The following E2F3 variants were observed in gnomAD, a reference collection of about 807,000 sequenced individuals.
E2F3 encodes the protein E2F transcription factor 3, also known as transcription factor E2F3.
Under a neutral mutation model 44.4 loss-of-function variants are expected in E2F3, and 11 were observed. The observed-to-expected ratio is 0.25, with a 90% CI of 0.16 to 0.41. E2F3 has a LOEUF of 0.41. Among genes scored for constraint, E2F3 ranks in the 10% least tolerant of loss-of-function variants. The pLI, the probability that E2F3 is intolerant of heterozygous loss-of-function variation, is 1.00. For missense variants in E2F3, 487 were observed against 583.6 expected (o/e 0.83, Z 1.70); for synonymous variants, 249 against 253.0 (o/e 0.98, Z 0.15).
In E2F3 at chr6:20,402,664, G is replaced by A. The variant is rs1759346839; in HGVS notation, c.393+39G>A. ...TCCCCACCGTCCCCAGCCCCGGCGG[G>A]AGGTGGGCTCGCACCGCGCGGGGTC... On this transcript the variant is annotated intron_variant, in intron 1 of 6. Transcript: ENST00000346618. The surrounding 1 kb of genome is among the most constrained non-coding windows in gnomAD (Gnocchi z 5.6). The A allele has an allele frequency of 1.5e-6, 2 of 1,308,046 alleles. No individual in the cohort carries two copies. Among genetic ancestry groups the A allele is most frequent in the South Asian group, 4.5e-5 (2 of 44,872 alleles). The allele number at this position is 1,308,046 out of a possible 1,614,324, so 81.0% of individuals were successfully genotyped here.
chr6:20,411,273 G>A (rs1345988469), intron 1 of E2F3, among the ~76,000 whole-genome samples: 1 of 152,168 alleles, frequency 6.6e-6, no homozygotes, highest in Non-Finnish European at 1.5e-5. Flanking sequence ...AAGAATCAGG[G>A]TGTCTGAGCT....
intron 1 of E2F3, among the ~76,000 whole-genome samples, chr6:20,408,978 A>G (rs1759579091): frequency 6.6e-6 from 1 of 152,200 alleles, no homozygotes; most frequent in African/African-American, 2.4e-5. Context: ...TCATCTGCCC[A>G]ATCCCCTTCA....
chr6:20,466,083 C>T (rs1761694378), intron 1 of E2F3, among the ~76,000 whole-genome samples: 1 of 136,530 alleles, frequency 7.3e-6, no homozygotes, highest in Admixed American at 8.0e-5. Context: ...GAAGTGCTCC[C>T]TGTTCACATC....
intron 1 of E2F3, among the ~76,000 whole-genome samples, chr6:20,424,622 A>G (rs887900349): frequency 6.6e-6 from 1 of 151,620 alleles, no homozygotes; most frequent in African/African-American, 2.4e-5. Context: ...TACAGTTTTT[A>G]TGTTCATGCT....
intron 1 of E2F3, among the ~76,000 whole-genome samples, chr6:20,409,303 T>C (rs898897110): frequency 6.6e-6 from 1 of 152,232 alleles, no homozygotes; most frequent in Non-Finnish European, 1.5e-5. Context: ...CTACTTTGGA[T>C]GTTAAATGAA....
chr6:20,480,861 G>T (rs545613613), intron 2 of E2F3, among the ~76,000 whole-genome samples: 69 of 152,246 alleles, frequency 4.5e-4, no homozygotes, highest in African/African-American at 1.6e-3. Context: ...GTCCCCTGAG[G>T]CCACAGCACT....
chr6:20,449,364 C>T (rs543527865), intron 1 of E2F3, among the ~76,000 whole-genome samples: 11 of 152,146 alleles, frequency 7.2e-5, no homozygotes, highest in African/African-American at 2.6e-4. Context: ...TTTTTAAATA[C>T]TTTTATTTTC....
chr6:20,426,749 G>C (rs185780435), intron 1 of E2F3, among the ~76,000 whole-genome samples: 3 of 152,296 alleles, frequency 2.0e-5, no homozygotes, highest in East Asian at 1.9e-4. Flanking sequence ...TGCCTGCTCT[G>C]TTAGCAGTTT....
At position 20,462,602 on chromosome 6, in the gene E2F3, T is replaced by C. The variant is rs374603735; in HGVS notation, c.394-17244T>C. Among the ~76,000 whole-genome samples the C allele has an allele frequency of 3.7e-4, 56 of 151,876 alleles. No homozygotes were observed. The South Asian group carries it at 0.011, about 30-fold the overall frequency. ...CCTCCTAAGTAACTGGGATTACAGGTGTCCGCCCTCTTACCTTGCAAATTT... is the reference window on the plus strand; with the variant it reads ...CCTCCTAAGTAACTGGGATTACAGGCGTCCGCCCTCTTACCTTGCAAATTT... On this transcript the variant is annotated intron_variant, in intron 1 of 6. Transcript: ENST00000346618.
intron 1 of E2F3, among the ~76,000 whole-genome samples, chr6:20,418,886 A>AT (rs1406314573): frequency 1.3e-5 from 2 of 150,398 alleles, no homozygotes; most frequent in Non-Finnish European, 3.0e-5. Flanking sequence ...CCTGCTTATT[A>AT]TTTTTTTAAA....
At chr6:20,484,936 G>A (rs1383643014) in intron 4 of E2F3, among the ~76,000 whole-genome samples, 2 of 146,824 alleles carry the variant, frequency 1.4e-5, no homozygotes, top group East Asian at 2.0e-4. Context: ...CTTAGTGACA[G>A]AGTGGGAGTC....
chr6:20,486,295 A>T (rs780725103), intron 4 of E2F3, among the ~76,000 whole-genome samples: 1 of 152,042 alleles, frequency 6.6e-6, no homozygotes, highest in African/African-American at 2.4e-5. Context: ...TTTTTTGAGA[A>T]GGAGTCTCGC....
At chr6:20,455,060 A>C (rs1761265518) in intron 1 of E2F3, among the ~76,000 whole-genome samples, 1 of 152,184 alleles carries the variant, frequency 6.6e-6, no homozygotes, top group Non-Finnish European at 1.5e-5. Flanking sequence ...CACTTGTTTT[A>C]AAGTAGTTTT....
At chr6:20,484,185 G>T (rs1041692680) in intron 4 of E2F3, among the ~76,000 whole-genome samples, 30 of 152,216 alleles carry the variant, frequency 2.0e-4, no homozygotes, top group Non-Finnish European at 3.1e-4. Context: ...TCTCTCTGGG[G>T]CCTTTGTTGC....
At chr6:20,406,423 G>T (rs1275372066) in intron 1 of E2F3, among the ~76,000 whole-genome samples, 1 of 152,154 alleles carries the variant, frequency 6.6e-6, no homozygotes. Flanking sequence ...TTATACAAAT[G>T]TTAATTTTTT....
rs112829376 is a variant in E2F3, at chr6:20,435,090, G to C, written c.393+32465G>C. On this transcript the variant is annotated intron_variant, in intron 1 of 6. Coordinates refer to ENST00000346618, the MANE Select transcript of E2F3 (RefSeq NM_001949.5). ...ATTATTTAAGAATATTTTATGGTGA[G>C]TTGTATTTGTTCTTTCCAGCAACAG... 9.7e-4 allele frequency among the ~76,000 whole-genome samples: 148 copies of C among 152,316 alleles called. 2 individuals are homozygous for C. Among genetic ancestry groups the C allele is most frequent in the African/African-American group, 3.3e-3 (137 of 41,564 alleles).
At position 20,402,429 on chromosome 6, in the gene E2F3, C is replaced by T. The variant is rs777566535; in HGVS notation, c.197C>T (p.Ser66Phe). Reference sequence around the variant, plus strand: ...ATCCAGATCCTCACCACGAACACTTCCACCACCTCCTGTTCCTCCTCCCTC... The same window carrying T: ...ATCCAGATCCTCACCACGAACACTTTCACCACCTCCTGTTCCTCCTCCCTC... ...AYIQILTTNT[S>F]TTSCSSSLQS... is the part of the protein sequence containing the mutation. Residue 66 changes from serine (S) to phenylalanine (F), a missense_variant, in exon 1 of 7, where the codon TCC becomes TTC. Coordinates refer to ENST00000346618, the MANE Select transcript of E2F3 (RefSeq NM_001949.5). The surrounding 1 kb of genome is among the most constrained non-coding windows in gnomAD (Gnocchi z 5.6). The T allele has an allele frequency of 6.8e-6, 11 of 1,611,608 alleles. No individual in the cohort carries two copies. Among genetic ancestry groups the T allele is most frequent in the Non-Finnish European group, 9.3e-6 (11 of 1,179,464 alleles).
At chr6:20,451,118 T>C (rs1332585176) in intron 1 of E2F3, among the ~76,000 whole-genome samples, 2 of 152,200 alleles carry the variant, frequency 1.3e-5, no homozygotes, top group Non-Finnish European at 2.9e-5. Flanking sequence ...AGGCTCTTTT[T>C]TGGTTCCATA....
chr6:20,405,434 C>G (rs1434064498), intron 1 of E2F3, among the ~76,000 whole-genome samples: 1 of 150,170 alleles, frequency 6.7e-6, no homozygotes, highest in East Asian at 2.0e-4. Context: ...GCAACCTCCG[C>G]CTCCCGAGTT....
Sources: gnomAD v4.1 joint callset for allele counts (sites outside exome capture counted in the v4.1 genomes callset) on GRCh38, gnomAD v4.1.1 for gene constraint, Gnocchi (gnomAD v3.1) non-coding constraint, MANE v1.5 for transcripts, NCBI Gene and HGNC (gene_info 2026-07-23, HGNC 2026-07-21) for gene names.